HMCN2: variants seen among roughly 807,000 people sequenced by gnomAD.
HMCN2 encodes hemicentin-2.
In HMCN2, 325 loss-of-function variants were observed where a neutral mutation model predicts 377.5. That is an observed-to-expected ratio of 0.86 (90% CI 0.79 to 0.94). The LOEUF is 0.94. HMCN2 is among the 40% of genes least tolerant of loss of function. HMCN2 has a pLI of 0.00. For synonymous variants in HMCN2, 2,007 were observed against 2,046.8 expected (o/e 0.98, Z 0.53); for missense variants, 4,543 against 4,725.3 (o/e 0.96, Z 1.13).
intron 61 of HMCN2, among the ~76,000 whole-genome samples, chr9:130,387,110 G>A (rs1367791172): frequency 1.3e-5 from 2 of 152,218 alleles, no homozygotes; most frequent in South Asian, 2.1e-4. Context: ...TGATCCCCAG[G>A]GGGGCCTGTC....
Position 130,360,423 on chromosome 9 carries a change from C to T in HMCN2, c.5774-5C>T, listed in dbSNP as rs1840312000. On this transcript the variant is annotated splice_polypyrimidine_tract_variant and splice_region_variant and intron_variant, in intron 37 of 97. Transcript: ENST00000683500. The surrounding 1 kb of genome is among the most constrained non-coding windows in gnomAD (Gnocchi z 4.7). ...TCCCCCTTGCATCTCTCTTCCTTTC[C>T]CCAGATGTCTCCTGGTTCAAGGGCC... 1 of 1,287,086 alleles carries T rather than the reference C, an allele frequency of 7.8e-7. No individual in the cohort carries two copies. Among genetic ancestry groups the T allele is most frequent in the Non-Finnish European group, 1.0e-6 (1 of 979,286 alleles). 79.7% of individuals were successfully genotyped at this position (1,287,086 alleles called of 1,614,324 possible).
Position 130,372,317 on chromosome 9 carries a change from C to G in HMCN2, c.7261C>G (p.Gln2421Glu). 1.0e-6 allele frequency: 1 copy of G among 985,954 alleles called. No individual in the cohort carries two copies. 61.1% of individuals were successfully genotyped at this position (985,954 alleles called of 1,614,324 possible). The change falls in exon 47 of 98, where the codon CAG (glutamine) becomes GAG (glutamate). Residue 2421 changes from glutamine (Q) to glutamate (E), a missense_variant. Gln to Glu is a conservative substitution (Grantham distance 29, BLOSUM62 2). Transcript: ENST00000683500. ...LAGGWMLKMT[Q>E]TQEQDSGLYS... The stretch of plus-strand genomic sequence containing the variant: ...AGGTGGCTGGATGCTGAAGATGACT[C>G]AGACACAGGAGCAAGACAGTGGCCT...
intron 81 of HMCN2, 123 bp downstream of exon 81, chr9:130,405,182 C>A: frequency 1.5e-6 from 1 of 658,808 alleles, no homozygotes; most frequent in Non-Finnish European, 2.1e-6. Context: ...TGTCACCATC[C>A]CGGGTACAGA....
chr9:130,314,092 C>T (rs1837415760), intron 15 of HMCN2, among the ~76,000 whole-genome samples: 1 of 152,156 alleles, frequency 6.6e-6, no homozygotes, highest in Non-Finnish European at 1.5e-5. Flanking sequence ...AATGGATATG[C>T]CTCCTCTTTC....
chr9:130,293,279 G>GATTTTTTTTTTTTTTTTTTTTTT (rs1835901264), intron 4 of HMCN2, among the ~76,000 whole-genome samples: 1 of 57,126 alleles, frequency 1.8e-5, no homozygotes. Context: ...ACTCACTAAA[G>GATTTTTTTTTTTTTTTTTTTTTT]TTTTTTTTTT....
Position 130,347,989 on chromosome 9 carries a change from C to T in HMCN2, c.4025-556C>T, listed in dbSNP as rs943354576. On this transcript the variant is annotated intron_variant, in intron 26 of 97. Coordinates refer to ENST00000683500, the MANE Select transcript of HMCN2 (RefSeq NM_001291815.2). This position sits in a 1 kb window ranked among gnomAD's most constrained non-coding sequence, Gnocchi z 5.1. ...TCAGCAGGGAGAGCGCCCACCCCCA[C>T]ATCCAGGGTGCTATGTGCAGAGGAA... 5.1e-6 allele frequency: 5 copies of T among 985,280 alleles called. No individual in the cohort carries two copies. The African/African-American group carries it at 7.0e-5, about 14-fold the overall frequency. 61.0% of individuals were successfully genotyped at this position (985,280 alleles called of 1,614,324 possible). A position where few individuals can be genotyped will look rare whatever the true frequency, so the allele number is the denominator to read the frequency against.
Position 130,379,374 on chromosome 9 carries a change from TACTGCG to T in HMCN2, c.8341_8346del (p.Cys2781_Asp2782del). The stretch of plus-strand genomic sequence containing the variant: ...CGTGGAGAACAACCCAGCCTACCTG[TACTGCG>T]ACACCAACGCGATCCCACCCCCGGA... On this transcript the variant is annotated inframe_deletion, in exon 54 of 98. Transcript: ENST00000683500. The T allele has an allele frequency of 1.0e-6, 1 of 985,788 alleles. No individual in the cohort carries two copies. Among genetic ancestry groups the T allele is most frequent in the Non-Finnish European group, 1.2e-6 (1 of 829,932 alleles). 61.1% of individuals were successfully genotyped at this position (985,788 alleles called of 1,614,324 possible). A position where few individuals can be genotyped will look rare whatever the true frequency, so the allele number is the denominator to read the frequency against.
intron 85 of HMCN2, among the ~76,000 whole-genome samples, chr9:130,417,538 C>A (rs3068203): frequency 0.23 from 8,244 of 36,290 alleles, 978 homozygotes; most frequent in East Asian, 0.42. Context: ...AAAAAAAAAA[C>A]AAAAAAAAAC....
At chr9:130,354,589 G>T (rs1564808682) in intron 31 of HMCN2, among the ~76,000 whole-genome samples, 174 bp from the exon 32 acceptor site, 1 of 152,174 alleles carries the variant, frequency 6.6e-6, no homozygotes. Flanking sequence ...GGCTGAGGAG[G>T]GTGAGAATGC....
At chr9:130,373,844 A>G (rs1418798752) in intron 48 of HMCN2, among the ~76,000 whole-genome samples, 1 of 146,040 alleles carries the variant, frequency 6.8e-6, no homozygotes, top group Non-Finnish European at 1.5e-5. Context: ...TGAATGAATG[A>G]GGGTTGGATG....
chr9:130,405,880 C>T, intron 81 of HMCN2, 75 bp from the exon 82 acceptor site: 7 of 1,110,492 alleles, frequency 6.3e-6, no homozygotes, highest in Non-Finnish European at 8.2e-6. Context: ...CCATGAGAAC[C>T]TTCAAGGGTC....
intron 1 of HMCN2, among the ~76,000 whole-genome samples, chr9:130,275,638 T>C (rs1039668028): frequency 6.6e-6 from 1 of 152,114 alleles, no homozygotes; most frequent in Admixed American, 6.5e-5. Flanking sequence ...TTAGTAGAGA[T>C]GGAGTTTCAC....
chr9:130,357,152 G>GGATGGGTAAATGGATA, intron 34 of HMCN2, among the ~76,000 whole-genome samples: 1 of 151,382 alleles, frequency 6.6e-6, no homozygotes, highest in African/African-American at 2.4e-5. Context: ...AAGGGTGGAT[G>GGATGGGTAAATGGATA]GATGGGTAAA....
chr9:130,296,850 T>G, intron 7 of HMCN2, 56 bp downstream of exon 7: 1 of 459,916 alleles, frequency 2.2e-6, no homozygotes, highest in Non-Finnish European at 4.6e-6. Flanking sequence ...ACCTGGGGCT[T>G]GGCTTTGGGA....
rs557154038 is a variant in HMCN2, at chr9:130,303,041, G to A, written c.1421+40G>A. ...GCAGCTGATTGTCCCCAGCCACAGG[G>A]CTCCTGGCTGCTGAGGCCCTGGAGG... On this transcript the variant is annotated intron_variant, in intron 9 of 97. Transcript: ENST00000683500. This position sits in a 1 kb window ranked among gnomAD's most constrained non-coding sequence, Gnocchi z 5.2. 1.3e-3 allele frequency: 566 copies of A among 445,656 alleles called. 2 individuals carry two copies. The highest frequency in any genetic ancestry group is 1.5e-3 in the Non-Finnish European group (318 of 213,782). The allele number at this position is 445,656 out of a possible 1,614,324, so 27.6% of individuals were successfully genotyped here. A position where few individuals can be genotyped will look rare whatever the true frequency, so the allele number is the denominator to read the frequency against.
At chr9:130,377,000 T>A (rs1841420806) in intron 52 of HMCN2, among the ~76,000 whole-genome samples, 1 of 152,028 alleles carries the variant, frequency 6.6e-6, no homozygotes, top group Non-Finnish European at 1.5e-5. Flanking sequence ...GGTTTCACCG[T>A]GTTGGCCAGG....
In HMCN2 at chr9:130,369,571, T is replaced by TC; in HGVS notation, c.6794dup (p.Gln2266SerfsTer46). On this transcript the variant is annotated frameshift_variant and splice_region_variant, in exon 45 of 98. Transcript: ENST00000683500. LOFTEE classifies it high-confidence loss of function. This position sits in a 1 kb window ranked among gnomAD's most constrained non-coding sequence, Gnocchi z 4.5. Reference sequence around the variant, plus strand: ...TGGGCTTTCTCCCCACCCCAACAGTTCCCCCTCAGATTGCCGGTCCCCGGG... The same window carrying TC: ...TGGGCTTTCTCCCCACCCCAACAGTTCCCCCCTCAGATTGCCGGTCCCCGGG... The TC allele has an allele frequency of 1.0e-6, 1 of 985,404 alleles. No individual in the cohort carries two copies. Among genetic ancestry groups the TC allele is most frequent in the Non-Finnish European group, 1.2e-6 (1 of 829,856 alleles). 61.0% of individuals were successfully genotyped at this position (985,404 alleles called of 1,614,324 possible).
intron 36 of HMCN2, among the ~76,000 whole-genome samples, chr9:130,358,767 G>A (rs887694414): frequency 1.3e-5 from 2 of 151,902 alleles, no homozygotes; most frequent in African/African-American, 2.4e-5. Context: ...TCCGCCTGCC[G>A]GGTTCACGCC....
At chr9:130,344,230 G>C (rs941069493) in intron 25 of HMCN2, among the ~76,000 whole-genome samples, 1 of 152,174 alleles carries the variant, frequency 6.6e-6, no homozygotes, top group Non-Finnish European at 1.5e-5. Context: ...GAAAGCTGAG[G>C]AAGATGAGAG....
Sources: allele counts gnomAD v4.1 joint callset (sites outside exome capture counted in the v4.1 genomes callset), GRCh38; gene constraint gnomAD v4.1.1; non-coding constraint Gnocchi (gnomAD v3.1); transcripts MANE v1.5; gene names NCBI Gene and HGNC (gene_info 2026-07-23, HGNC 2026-07-21).